PSD2: variants seen among roughly 807,000 people sequenced by gnomAD.
PSD2 encodes the protein pleckstrin and Sec7 domain containing 2.
Under a neutral mutation model 69.8 loss-of-function variants are expected in PSD2, and 38 were observed. The observed-to-expected ratio is 0.54, with a 90% confidence interval of 0.42 to 0.71. The LOEUF is 0.71. Ranked by LOEUF, PSD2 falls within the 30% of genes least tolerant of loss-of-function variation. The probability of loss-of-function intolerance (pLI) is 0.00; values close to 1 mark genes in which losing one functional copy is unlikely to be tolerated. For missense variants in PSD2, 943 were observed against 1,014.5 expected (o/e 0.93, Z 0.96); for synonymous variants, 412 against 423.0 (o/e 0.97, Z 0.32).
At chr5:139,794,254 C>T (rs1759469389), upstream of PSD2, among the ~76,000 whole-genome samples, 1 of 152,232 alleles carries the variant, frequency 6.6e-6, no homozygotes, top group African/African-American at 2.4e-5. Context: ...GACTTATGCT[C>T]TCCAAGTCTC....
At chr5:139,743,324 C>T in the PSD2 span, among the ~76,000 whole-genome samples, 1 of 152,156 alleles carries the variant, frequency 6.6e-6, no homozygotes, top group African/African-American at 2.4e-5. Context: ...ACGCACTGAC[C>T]CTGGAGGGTT....
chr5:139,746,710 T>G, the PSD2 span, among the ~76,000 whole-genome samples: 1 of 152,164 alleles, frequency 6.6e-6, no homozygotes, highest in East Asian at 1.9e-4. This position sits in a 1 kb window ranked among gnomAD's most constrained non-coding sequence, Gnocchi z 4.5. Context: ...AGGCTGGCTT[T>G]GCGGCAGTGT....
At chr5:139,761,519 A>G in the PSD2 span, among the ~76,000 whole-genome samples, 653 of 152,308 alleles carry the variant, frequency 4.3e-3, 3 homozygotes, top group Admixed American at 8.7e-3. Flanking sequence ...CCTCAGCCCT[A>G]TAAGCCTGTA....
In PSD2 at chr5:139,814,285, GC is replaced by G. The variant is rs1383592398; in HGVS notation, c.938del (p.Ala313ValfsTer47). 6 of 1,613,686 alleles carry G rather than the reference GC, an allele frequency of 3.7e-6. No individual in the cohort carries two copies. In the Admixed American group the frequency reaches 1.0e-4, roughly 27 times the overall value. On this transcript the variant is annotated frameshift_variant, in exon 4 of 15. Coordinates refer to ENST00000274710, the MANE Select transcript of PSD2 (RefSeq NM_032289.4). LOFTEE classifies it high-confidence loss of function. This position sits in a 1 kb window ranked among gnomAD's most constrained non-coding sequence, Gnocchi z 4.4. ...CAACGGGTGCCAGGGGGTCAGTGAA[GC>G]TGCTCATCGGCTGGCACGCCGTCTC... is the stretch of plus-strand genomic sequence containing the variant. The part of the protein sequence containing the change: ...LANGCQGVSE[A>X]AHRLARRLYH...
At chr5:139,810,096 C>A (rs1206800580) in intron 2 of PSD2, among the ~76,000 whole-genome samples, 49 of 152,012 alleles carry the variant, frequency 3.2e-4, no homozygotes, top group Admixed American at 3.2e-3. Flanking sequence ...CCAAGCTGGG[C>A]ATTCGATTTC....
intron 4 of PSD2, among the ~76,000 whole-genome samples, chr5:139,815,857 T>A (rs1456696367): frequency 6.6e-6 from 1 of 151,620 alleles, no homozygotes; most frequent in African/African-American, 2.4e-5. Flanking sequence ...AGCTGGGCGC[T>A]GTGGTGGTTG....
At chr5:139,800,769 C>T (rs1340060246) in intron 1 of PSD2, among the ~76,000 whole-genome samples, 1 of 152,236 alleles carries the variant, frequency 6.6e-6, no homozygotes, top group Admixed American at 6.5e-5. Flanking sequence ...GTTAAGGCCA[C>T]CCCTCCACTT....
intron 7 of PSD2, among the ~76,000 whole-genome samples, chr5:139,833,325 C>T (rs2126963130): frequency 6.6e-6 from 1 of 152,150 alleles, no homozygotes; most frequent in Middle Eastern, 3.4e-3. Flanking sequence ...CCTTACCTGT[C>T]AAATGGGGAT....
intron 7 of PSD2, among the ~76,000 whole-genome samples, chr5:139,832,820 G>A (rs955877792): frequency 4.6e-5 from 7 of 152,164 alleles, no homozygotes; most frequent in Non-Finnish European, 8.8e-5. Context: ...GGACTCCAAG[G>A]AGAGTCTGGA....
chr5:139,742,800 G>A, the PSD2 span, among the ~76,000 whole-genome samples: 2 of 152,164 alleles, frequency 1.3e-5, no homozygotes, highest in African/African-American at 4.8e-5. Flanking sequence ...TTAGCTGCGG[G>A]GGAGCCGGGC....
At position 139,837,346 on chromosome 5, in the gene PSD2, A is replaced by G; in HGVS notation, c.1665+108A>G. On this transcript the variant is annotated intron_variant, in intron 11 of 14. Transcript: ENST00000274710. The surrounding 1 kb of genome is among the most constrained non-coding windows in gnomAD (Gnocchi z 5.0). ...CAGGCAGGACCTGGGGCTCAGGCAC[A>G]TGCTGGGTCCTTCCCCAGACTTGGG... 2.7e-6 allele frequency: 3 copies of G among 1,119,726 alleles called. No homozygotes were observed. Among genetic ancestry groups the G allele is most frequent in the Non-Finnish European group, 3.9e-6 (3 of 765,386 alleles). The allele number at this position is 1,119,726 out of a possible 1,614,324, so 69.4% of individuals were successfully genotyped here.
chr5:139,803,790 A>G (rs982380349), intron 1 of PSD2, among the ~76,000 whole-genome samples: 51 of 152,170 alleles, frequency 3.4e-4, no homozygotes, highest in African/African-American at 1.2e-3. Flanking sequence ...TCCCTTCCAA[A>G]TTATCCTGGG....
At chr5:139,767,921 C>T in the PSD2 span, among the ~76,000 whole-genome samples, 2 of 152,328 alleles carry the variant, frequency 1.3e-5, no homozygotes, top group African/African-American at 4.8e-5. Flanking sequence ...AGGTCTAGTG[C>T]CTGACCCCAG....
In PSD2 at chr5:139,814,291, C is replaced by T. The variant is rs959236903; in HGVS notation, c.943C>T (p.His315Tyr). 6.2e-7 allele frequency: 1 copy of T among 1,613,684 alleles called. No individual in the cohort carries two copies. Among genetic ancestry groups the T allele is most frequent in the South Asian group, 1.1e-5 (1 of 91,020 alleles). ...GTGCCAGGGGGTCAGTGAAGCTGCTCATCGGCTGGCACGCCGTCTCTACCA... is the reference window on the plus strand; with the variant it reads ...GTGCCAGGGGGTCAGTGAAGCTGCTTATCGGCTGGCACGCCGTCTCTACCA... ...NGCQGVSEAA[H>Y]RLARRLYHLE... Residue 315 changes from histidine to tyrosine, a missense_variant, in exon 4 of 15, where the codon CAT becomes TAT. His to Tyr is a moderately conservative substitution (Grantham distance 83). Transcript: ENST00000274710. The surrounding 1 kb of genome is among the most constrained non-coding windows in gnomAD (Gnocchi z 4.4).
the PSD2 span, among the ~76,000 whole-genome samples, chr5:139,751,311 G>A: frequency 6.6e-6 from 1 of 152,166 alleles, no homozygotes; most frequent in African/African-American, 2.4e-5. Context: ...CCCACCCCAA[G>A]CTCCCTTCTG....
the PSD2 span, among the ~76,000 whole-genome samples, chr5:139,752,951 A>G: frequency 7.4e-5 from 6 of 81,212 alleles, no homozygotes; most frequent in East Asian, 3.6e-4. Context: ...CCTACCCCCC[A>G]TAAAGCATCA....
Position 139,839,131 on chromosome 5 carries a change from T to C in PSD2, c.1968+359T>C, listed in dbSNP as rs1333992089. Among the ~76,000 whole-genome samples the C allele has an allele frequency of 6.6e-6, 1 of 152,256 alleles. No individual in the cohort carries two copies. The highest frequency in any genetic ancestry group is 1.5e-5 in the Non-Finnish European group (1 of 68,048). ...GACACCTGGCTGACGCTTCATCCAG[T>C]GCTCTTTTGCTGCTCTCACCTATTC... On this transcript the variant is annotated intron_variant, in intron 13 of 14. Coordinates refer to ENST00000274710, the MANE Select transcript of PSD2 (RefSeq NM_032289.4). The surrounding 1 kb of genome is among the most constrained non-coding windows in gnomAD (Gnocchi z 5.1).
chr5:139,809,600 C>G lies in PSD2; in HGVS notation c.160C>G (p.Pro54Ala). 6.2e-7 allele frequency: 1 copy of G among 1,614,228 alleles called. No homozygotes were observed. Among genetic ancestry groups the G allele is most frequent in the Non-Finnish European group, 8.5e-7 (1 of 1,180,028 alleles). ...CCCAGGGCACGAGCGAAGGGGCACC[C>G]CAGCGGACACTGAGGAACCCACGAA... The part of the protein sequence containing the change: ...CSPGHERRGT[P>A]ADTEEPTKDP... Residue 54 changes from proline to alanine, a missense_variant, in exon 2 of 15, where the codon CCA becomes GCA. By Grantham distance (27) the Pro-to-Ala change is conservative (BLOSUM62 -1). Transcript: ENST00000274710.
chr5:139,775,046 A>G, the PSD2 span, among the ~76,000 whole-genome samples: 1 of 152,196 alleles, frequency 6.6e-6, no homozygotes, highest in African/African-American at 2.4e-5. Context: ...TGGCCGCCCC[A>G]GCCAAGGTTG....
Sources: allele counts gnomAD v4.1 joint callset (sites outside exome capture counted in the v4.1 genomes callset), GRCh38; gene constraint gnomAD v4.1.1; non-coding constraint Gnocchi (gnomAD v3.1); transcripts MANE v1.5; gene names NCBI Gene and HGNC (gene_info 2026-07-23, HGNC 2026-07-21).